The following COL21A1 variants were observed in gnomAD, a reference collection of about 807,000 sequenced individuals.
The protein encoded by COL21A1 is collagen type XXI alpha 1 chain.
Under a neutral mutation model 137.9 loss-of-function variants are expected in COL21A1, and 149 were observed. That is an observed-to-expected ratio of 1.08 (90% CI 0.95 to 1.24). The LOEUF (loss-of-function observed/expected upper bound fraction) is 1.24, where lower values mean the gene tolerates loss of function less well. Among genes scored for constraint, COL21A1 ranks in the 50% most tolerant of loss-of-function variants. The pLI is 0.00. For synonymous variants in COL21A1, 456 were observed against 391.5 expected (o/e 1.16, Z -1.95); for missense variants, 1,167 against 1,158.4 (o/e 1.01, Z -0.11).
chr6:56,350,337 G>A (rs1274682812), intron 1 of COL21A1, among the ~76,000 whole-genome samples: 1 of 152,178 alleles, frequency 6.6e-6, no homozygotes, highest in Non-Finnish European at 1.5e-5. Context: ...GAGGATTGGT[G>A]ACCTCTTAGG....
intron 1 of COL21A1, among the ~76,000 whole-genome samples, chr6:56,190,956 T>C (rs1778632963): frequency 6.6e-6 from 1 of 152,166 alleles, no homozygotes; most frequent in Non-Finnish European, 1.5e-5. Context: ...GAACGTATCT[T>C]AAAATAGTAA....
At chr6:56,076,717 T>C (rs1767277527) in intron 18 of COL21A1, among the ~76,000 whole-genome samples, 1 of 151,312 alleles carries the variant, frequency 6.6e-6, no homozygotes, top group African/African-American at 2.4e-5. Flanking sequence ...GGAAATATGG[T>C]AGGTAATGCT....
chr6:56,259,630 T>A (rs768920218), intron 1 of COL21A1, among the ~76,000 whole-genome samples: 57 of 152,228 alleles, frequency 3.7e-4, no homozygotes, highest in Non-Finnish European at 6.8e-4. Flanking sequence ...GCACATCCAA[T>A]ATAGTCTTCT....
At chr6:56,251,383 T>C (rs1782848565), upstream of COL21A1, among the ~76,000 whole-genome samples, 1 of 152,228 alleles carries the variant, frequency 6.6e-6, no homozygotes, top group Non-Finnish European at 1.5e-5. Context: ...TTTCTCATTA[T>C]ATTCCCATGG....
At chr6:56,293,590 A>T (rs1481894660) in intron 1 of COL21A1, among the ~76,000 whole-genome samples, 1 of 152,180 alleles carries the variant, frequency 6.6e-6, no homozygotes, top group East Asian at 1.9e-4. Flanking sequence ...AATTTTAATC[A>T]TTAATGAAAT....
intron 1 of COL21A1, among the ~76,000 whole-genome samples, chr6:56,205,463 C>T (rs1779705234): frequency 6.6e-6 from 1 of 152,106 alleles, no homozygotes; most frequent in African/African-American, 2.4e-5. Context: ...TGAATAAAGC[C>T]TCCAAGAAAT....
intron 12 of COL21A1, among the ~76,000 whole-genome samples, chr6:56,127,722 A>T (rs10948974): frequency 0.15 from 22,840 of 152,146 alleles, 1,752 homozygotes; most frequent in Middle Eastern, 0.22. Flanking sequence ...TGATTCCTGA[A>T]CATTTGTATG....
chr6:56,332,476 AT>A (rs57492933), intron 1 of COL21A1, among the ~76,000 whole-genome samples: 11,588 of 149,872 alleles, frequency 0.077, 616 homozygotes, highest in African/African-American at 0.15. Context: ...TGGGTAAAAC[AT>A]TTTTTTTTTT....
rs200841757 is a variant in COL21A1, at chr6:56,227,372, TA to T, written c.-39+20014del. On this transcript the variant is annotated intron_variant, in intron 1 of 29. Coordinates refer to ENST00000244728, the MANE Select transcript of COL21A1 (RefSeq NM_030820.4). ...CTAAGTCCCACCTCCAATCCCCAAT[TA>T]AAACAAATCCCATACGCTTGTTAAG... Among the ~76,000 whole-genome samples the T allele has an allele frequency of 7.9e-3, 1,206 of 152,090 alleles. 12 individuals are homozygous for T. Among genetic ancestry groups the T allele is most frequent in the African/African-American group, 0.028 (1,144 of 41,508 alleles).
chr6:56,303,271 T>C lies in COL21A1; in HGVS notation c.-39+90700A>G, dbSNP rs576366862. 3.5e-3 allele frequency among the ~76,000 whole-genome samples: 538 copies of C among 152,324 alleles called. 6 individuals are homozygous for C. Among genetic ancestry groups the C allele is most frequent in the African/African-American group, 0.011 (469 of 41,580 alleles). Reference sequence around the variant, plus strand: ...GTTTTTTCCAATTCTGTGAAGCAAGTCACAAAGTAGCTTGATGGGGATGGC... The same window carrying C: ...GTTTTTTCCAATTCTGTGAAGCAAGCCACAAAGTAGCTTGATGGGGATGGC... On this transcript the variant is annotated intron_variant, in intron 1 of 28. Transcript: ENST00000370819.
rs1294749799 is a variant in COL21A1, at chr6:56,060,077, C to A, written c.2549G>T (p.Arg850Ile). Residue 850 changes from arginine (R) to isoleucine (I), a missense_variant, in exon 28 of 30, where the codon AGA becomes ATA. By Grantham distance (97) the Arg-to-Ile change is moderately conservative. Transcript: ENST00000244728. The stretch of plus-strand genomic sequence containing the variant: ...ACCCACTAATCCAGGAACACCATCT[C>A]TTCCTGGCAAACCAGGTAATCCTCT... ...GPRGLPGLPGRDGVPGLVGVP... is the reference protein window; with the variant it reads ...GPRGLPGLPGIDGVPGLVGVP... 5 of 1,611,062 alleles carry A rather than the reference C, an allele frequency of 3.1e-6. No homozygotes were observed. The African/African-American group carries it at 6.7e-5, about 22-fold the overall frequency.
intron 1 of COL21A1, among the ~76,000 whole-genome samples, chr6:56,255,357 G>A (rs1782944151): frequency 6.6e-6 from 1 of 151,706 alleles, no homozygotes; most frequent in Non-Finnish European, 1.5e-5. Context: ...GTGTGTGTGT[G>A]TGTGTGTGTG....
At position 56,097,876 on chromosome 6, in the gene COL21A1, AATATATAAAT is replaced by A. The variant is rs1562188348; in HGVS notation, c.1812+3586_1812+3595del. Among the ~76,000 whole-genome samples the A allele has an allele frequency of 4.7e-5, 3 of 64,310 alleles. 1 individual carries two copies. The highest frequency in any genetic ancestry group is 8.7e-5 in the Non-Finnish European group (3 of 34,338). 42.2% of individuals were successfully genotyped at this position (64,310 alleles called of 152,430 possible). On this transcript the variant is annotated intron_variant, in intron 17 of 29. Transcript: ENST00000244728. ...ATATAAATATATAAAAATATCTATA[AATATATAAAT>A]ATATATAAATATATAAATATATAAA...
intron 1 of COL21A1, among the ~76,000 whole-genome samples, chr6:56,210,986 A>G (rs1425680013): frequency 6.6e-6 from 1 of 151,798 alleles, no homozygotes; most frequent in Non-Finnish European, 1.5e-5. Context: ...GATATTCACC[A>G]TTTAAAAAAA....
At chr6:56,369,561 C>T (rs539604963) in intron 1 of COL21A1, among the ~76,000 whole-genome samples, 7 of 151,914 alleles carry the variant, frequency 4.6e-5, no homozygotes, top group African/African-American at 1.7e-4. Context: ...ATCTTCCCAT[C>T]TTAAAAGAAT....
rs1763659097 is a variant in COL21A1 at position 56,276,508 on chromosome 6, C to G, written c.-38-93852G>C. On this transcript the variant is annotated intron_variant, in intron 1 of 28. Coordinates refer to the COL21A1 transcript ENST00000370819. ...GAGAGGGGGAACAACTTAAAATAAA[C>G]CAGAAAACACCTTCATATTAATCAT... The G allele has an allele frequency of 2.8e-6, 3 of 1,059,438 alleles. No individual in the cohort carries two copies. The African/African-American group carries it at 4.8e-5, about 17-fold the overall frequency. 65.6% of individuals were successfully genotyped at this position (1,059,438 alleles called of 1,614,324 possible). A position where few individuals can be genotyped will look rare whatever the true frequency, so the allele number is the denominator to read the frequency against.
chr6:56,230,182 C>G (rs1213288984), intron 1 of COL21A1, among the ~76,000 whole-genome samples: 1 of 151,886 alleles, frequency 6.6e-6, no homozygotes, highest in Non-Finnish European at 1.5e-5. Context: ...CCAACTAAGC[C>G]AGATATATGG....
At chr6:56,243,675 T>C (rs1782480282) in intron 1 of COL21A1, among the ~76,000 whole-genome samples, 1 of 152,174 alleles carries the variant, frequency 6.6e-6, no homozygotes, top group Non-Finnish European at 1.5e-5. Flanking sequence ...ACAGCCCTAC[T>C]GAGGTAGGTT....
At chr6:56,378,332 G>C (rs922067923) in intron 1 of COL21A1, among the ~76,000 whole-genome samples, 1 of 152,164 alleles carries the variant, frequency 6.6e-6, no homozygotes, top group Non-Finnish European at 1.5e-5. Context: ...CCCTGGGATA[G>C]AGCAGAGCCC....
Sources: allele counts gnomAD v4.1 joint callset (sites outside exome capture counted in the v4.1 genomes callset), GRCh38; gene constraint gnomAD v4.1.1; transcripts MANE v1.5; gene names NCBI Gene and HGNC (gene_info 2026-07-23, HGNC 2026-07-21).